LDLRAD4: variants seen among roughly 807,000 people sequenced by gnomAD.
LDLRAD4 encodes the protein low-density lipoprotein receptor class A domain-containing protein 4.
Under a neutral mutation model 17.0 loss-of-function variants are expected in LDLRAD4, and 5 were observed. The observed-to-expected ratio is 0.29, with a 90% CI of 0.15 to 0.62. The LOEUF is 0.62. LDLRAD4 is among the 20% of genes least tolerant of loss of function. LDLRAD4 has a pLI of 0.84. For synonymous variants in LDLRAD4, 168 were observed against 171.8 expected (o/e 0.98, Z 0.17); for missense variants, 340 against 424.7 (o/e 0.80, Z 1.75).
intron 2 of LDLRAD4, among the ~76,000 whole-genome samples, chr18:13,411,823 A>G (rs549861935): frequency 4.3e-4 from 65 of 152,196 alleles, no homozygotes; most frequent in African/African-American, 1.5e-3. Flanking sequence ...ATGAGACCCA[A>G]CCCAGTAGTC....
Position 13,428,068 on chromosome 18 carries a change from G to A in LDLRAD4, c.41-10176G>A, listed in dbSNP as rs77185476. On this transcript the variant is annotated intron_variant, in intron 2 of 5. Coordinates refer to ENST00000359446, the Ensembl canonical transcript of LDLRAD4. ...CCACACTCTGGGGACTCATTAGTAA[G>A]ACCAGGCAGACATAAATCCCTGCCC... Among the ~76,000 whole-genome samples the A allele has an allele frequency of 8.6e-3, 1,305 of 152,328 alleles. 19 individuals carry two copies. The highest frequency in any genetic ancestry group is 0.029 in the African/African-American group (1,219 of 41,570).
At chr18:13,638,627 C>T (rs756761863) in intron 4 of LDLRAD4, among the ~76,000 whole-genome samples, 17 of 152,182 alleles carry the variant, frequency 1.1e-4, no homozygotes, top group Non-Finnish European at 2.2e-4. Flanking sequence ...CTGCTCAGTG[C>T]GATGTGGGTC....
At chr18:13,580,671 C>T (rs1466004601) in intron 3 of LDLRAD4, among the ~76,000 whole-genome samples, 1 of 152,114 alleles carries the variant, frequency 6.6e-6, no homozygotes, top group Non-Finnish European at 1.5e-5. Flanking sequence ...GGGGACTGGC[C>T]AGCAGTCACT....
intron 1 of LDLRAD4, among the ~76,000 whole-genome samples, chr18:13,254,927 A>G (rs2043422099): frequency 6.6e-6 from 1 of 152,216 alleles, no homozygotes; most frequent in Non-Finnish European, 1.5e-5. Flanking sequence ...TGGTTCCACT[A>G]CACCCCAGCC....
intron 1 of LDLRAD4, among the ~76,000 whole-genome samples, chr18:13,271,792 A>T (rs1359049763): frequency 6.6e-6 from 1 of 151,604 alleles, no homozygotes; most frequent in South Asian, 2.1e-4. Context: ...GCTTTGACTG[A>T]CAGATCTTGG....
intron 1 of LDLRAD4, chr18:13,242,195 A>G (rs1165794722): frequency 6.6e-6 from 1 of 152,270 alleles, no homozygotes; most frequent in Non-Finnish European, 1.5e-5. Context: ...ACCTACTGGA[A>G]TCGCTTGTTT....
chr18:13,223,111 C>T (rs2041554461), intron 1 of LDLRAD4, among the ~76,000 whole-genome samples: 2 of 152,186 alleles, frequency 1.3e-5, no homozygotes, highest in Non-Finnish European at 2.9e-5. Context: ...GGACACACAG[C>T]TCATGTTACA....
chr18:13,506,588 A>G (rs955935699), intron 3 of LDLRAD4, among the ~76,000 whole-genome samples: 1 of 152,180 alleles, frequency 6.6e-6, no homozygotes, highest in Non-Finnish European at 1.5e-5. Context: ...ACAGCAGGTT[A>G]TCCAGAAGCT....
chr18:13,355,645 T>C (rs979067753), intron 1 of LDLRAD4, among the ~76,000 whole-genome samples: 1 of 152,216 alleles, frequency 6.6e-6, no homozygotes, highest in African/African-American at 2.4e-5. Flanking sequence ...GTCTGGTTTT[T>C]TTTTGAAAGG....
intron 3 of LDLRAD4, among the ~76,000 whole-genome samples, chr18:13,598,377 T>C (rs1463064805): frequency 6.6e-6 from 1 of 152,236 alleles, no homozygotes; most frequent in African/African-American, 2.4e-5. Flanking sequence ...TCTGCCTTAG[T>C]TGGTATCACA....
intron 2 of LDLRAD4, among the ~76,000 whole-genome samples, chr18:13,424,350 G>C (rs1406348553): frequency 1.3e-5 from 2 of 152,150 alleles, no homozygotes; most frequent in African/African-American, 2.4e-5. Context: ...TAGCTTGTGT[G>C]TCTGTGTGGA....
chr18:13,231,527 GA>G lies in LDLRAD4; in HGVS notation c.-467+12541del, dbSNP rs974428370. Among the ~76,000 whole-genome samples, 13 of 152,320 alleles carry G rather than the reference GA, an allele frequency of 8.5e-5. No homozygotes were observed. The South Asian group carries it at 1.2e-3, about 15-fold the overall frequency. The stretch of plus-strand genomic sequence containing the variant: ...ATGGTAAAGAAAAACAAGCCCATTA[GA>G]ACACCTACCTTGATTTCATATCGAA... On this transcript the variant is annotated intron_variant, in intron 1 of 5. Coordinates refer to the LDLRAD4 transcript ENST00000399848.
At chr18:13,642,982 C>T (rs2042729424) in intron 4 of LDLRAD4, among the ~76,000 whole-genome samples, 1 of 150,712 alleles carries the variant, frequency 6.6e-6, no homozygotes. Flanking sequence ...GTCGCCCAGG[C>T]TGGAGTGCAG....
intron 3 of LDLRAD4, among the ~76,000 whole-genome samples, chr18:13,553,681 G>A (rs925015683): frequency 6.6e-5 from 10 of 152,116 alleles, no homozygotes; most frequent in South Asian, 6.2e-4. Flanking sequence ...TTCCTGATGC[G>A]GGCTTCCTGG....
At chr18:13,626,732 T>C (rs2041203617) in intron 4 of LDLRAD4, among the ~76,000 whole-genome samples, 1 of 152,254 alleles carries the variant, frequency 6.6e-6, no homozygotes, top group African/African-American at 2.4e-5. Context: ...CCAGCACAGC[T>C]GGGCTCCTCC....
intron 1 of LDLRAD4, among the ~76,000 whole-genome samples, chr18:13,227,218 G>T (rs932024891): frequency 1.1e-4 from 16 of 152,168 alleles, no homozygotes; most frequent in Non-Finnish European, 1.5e-5. Flanking sequence ...AACAGTGCCT[G>T]ACCTCTTAAG....
At chr18:13,237,513 C>T (rs189436645) in intron 1 of LDLRAD4, among the ~76,000 whole-genome samples, 1 of 152,178 alleles carries the variant, frequency 6.6e-6, no homozygotes, top group Admixed American at 6.5e-5. Flanking sequence ...TAATTTCACT[C>T]CTGGTCCCAC....
At chr18:13,472,100 T>A (rs1230264825) in intron 3 of LDLRAD4, 1 of 152,110 alleles carries the variant, frequency 6.6e-6, no homozygotes, top group African/African-American at 2.4e-5. Context: ...GCCAACCCCC[T>A]CCCCAGACCG....
chr18:13,504,612 G>A lies in LDLRAD4; in HGVS notation c.181+66228G>A, dbSNP rs148408061. On this transcript the variant is annotated intron_variant, in intron 3 of 5. Transcript: ENST00000359446. Reference sequence around the variant, plus strand: ...CTGGCTAATTTTTGTACTTTTAGTAGAGATGGGGTTTCACTATGTTGGCCA... The same window carrying A: ...CTGGCTAATTTTTGTACTTTTAGTAAAGATGGGGTTTCACTATGTTGGCCA... Among the ~76,000 whole-genome samples, 481 of 152,156 alleles carry A rather than the reference G, an allele frequency of 3.2e-3. 2 individuals are homozygous for A. Among genetic ancestry groups the A allele is most frequent in the African/African-American group, 0.011 (463 of 41,532 alleles).
Sources: allele counts gnomAD v4.1 joint callset (sites outside exome capture counted in the v4.1 genomes callset), GRCh38; gene constraint gnomAD v4.1.1; transcripts MANE v1.5; gene names NCBI Gene and HGNC (gene_info 2026-07-23, HGNC 2026-07-21).